Variants in IQGAP1 observed in about 807,000 individuals in gnomAD.
IQGAP1 encodes the protein ras GTPase-activating-like protein IQGAP1.
Under a neutral mutation model 215.6 loss-of-function variants are expected in IQGAP1, and 66 were observed. The observed-to-expected ratio is 0.31, with a 90% CI of 0.25 to 0.38. IQGAP1 has a LOEUF of 0.38. Among genes scored for constraint, IQGAP1 ranks in the 10% least tolerant of loss-of-function variants. IQGAP1 has a pLI of 1.00. For missense variants in IQGAP1, 1,712 were observed against 1,997.1 expected (o/e 0.86, Z 2.72); for synonymous variants, 772 against 728.7 (o/e 1.06, Z -0.96).
At chr15:90,487,472 A>G (rs1966142552) in intron 32 of IQGAP1, 23 bp from the exon 33 acceptor site, 3 of 1,568,266 alleles carry the variant, frequency 1.9e-6, no homozygotes, top group Non-Finnish European at 2.6e-6. Flanking sequence ...TAATATTTAA[A>G]TGCCTCCCCC....
At chr15:90,417,800 G>T (rs1433914739) in intron 2 of IQGAP1, among the ~76,000 whole-genome samples, 8 of 152,136 alleles carry the variant, frequency 5.3e-5, no homozygotes, top group Non-Finnish European at 1.5e-5. Flanking sequence ...AAATTACCTT[G>T]CTCAGTATGG....
In IQGAP1 at chr15:90,482,101, G is replaced by A. The variant is rs1966067091; in HGVS notation, c.3470+1G>A. 2 of 1,614,210 alleles carry A rather than the reference G, an allele frequency of 1.2e-6. No homozygotes were observed. Among genetic ancestry groups the A allele is most frequent in the South Asian group, 2.2e-5 (2 of 91,086 alleles). ...TTGTCAGCTCTGTGGACAAAATCCC[G>A]TGAGTGCCATCAGTTGTCATGACCC... On this transcript the variant is annotated splice_donor_variant, in intron 27 of 37. Transcript: ENST00000268182. LOFTEE classifies it high-confidence loss of function.
chr15:90,482,947 T>C (rs1966079864), intron 28 of IQGAP1, among the ~76,000 whole-genome samples: 1 of 152,204 alleles, frequency 6.6e-6, no homozygotes, highest in Non-Finnish European at 1.5e-5. Flanking sequence ...AATTTAGCTA[T>C]GTTTGTTAGC....
At chr15:90,430,985 ATAT>A (rs528268459) in intron 4 of IQGAP1, among the ~76,000 whole-genome samples, 2 of 148,044 alleles carry the variant, frequency 1.4e-5, no homozygotes, top group African/African-American at 4.9e-5. Context: ...TAATTTTACA[ATAT>A]TATATAATAT....
chr15:90,420,582 G>T (rs1174753307), intron 2 of IQGAP1, among the ~76,000 whole-genome samples: 12 of 152,232 alleles, frequency 7.9e-5, no homozygotes, highest in Admixed American at 7.9e-4. Flanking sequence ...AGTAGAACAT[G>T]TGAGGGGAGT....
At chr15:90,474,422 C>A in intron 22 of IQGAP1, 63 bp from the exon 23 acceptor site, 1 of 1,254,876 alleles carries the variant, frequency 8.0e-7, no homozygotes, top group Non-Finnish European at 1.2e-6. Context: ...CAAGACAATG[C>A]TATTTCCTGA....
At chr15:90,445,426 G>A (rs1304242317) in intron 9 of IQGAP1, among the ~76,000 whole-genome samples, 1 of 152,012 alleles carries the variant, frequency 6.6e-6, no homozygotes, top group African/African-American at 2.4e-5. Context: ...TCACTTCAGT[G>A]CCTGTCACAG....
chr15:90,430,928 AAT>A (rs1258562281), intron 4 of IQGAP1, among the ~76,000 whole-genome samples: 2 of 148,268 alleles, frequency 1.3e-5, no homozygotes, highest in Non-Finnish European at 3.0e-5. Context: ...TATATAGATA[AAT>A]ATATGACTTA....
chr15:90,461,867 C>T lies in IQGAP1; in HGVS notation c.1777-4134C>T, dbSNP rs566187782. Among the ~76,000 whole-genome samples the T allele has an allele frequency of 1.8e-4, 27 of 151,350 alleles. No homozygotes were observed. In the South Asian group the frequency reaches 4.6e-3, roughly 26 times the overall value. On this transcript the variant is annotated intron_variant, in intron 15 of 37. Coordinates refer to ENST00000268182, the MANE Select transcript of IQGAP1 (RefSeq NM_003870.4). ...AAGAATGACTTAAATCGGCTGGGTG[C>T]GGTGGCTTACACCTGTAATCTTTGT...
chr15:90,458,416 C>G (rs552848290), intron 15 of IQGAP1, among the ~76,000 whole-genome samples: 27 of 152,300 alleles, frequency 1.8e-4, no homozygotes, highest in African/African-American at 6.5e-4. Context: ...AATCTACTTC[C>G]CTTTTTAGAT....
chr15:90,443,551 T>G (rs1400134565), intron 9 of IQGAP1, 73 bp downstream of exon 9: 1 of 848,242 alleles, frequency 1.2e-6, no homozygotes, highest in Non-Finnish European at 1.9e-6. Flanking sequence ...ATTCTGGGAC[T>G]TACAACATAG....
At chr15:90,434,107 T>C (rs999131258) in intron 5 of IQGAP1, among the ~76,000 whole-genome samples, 2 of 152,068 alleles carry the variant, frequency 1.3e-5, no homozygotes, top group African/African-American at 4.8e-5. Context: ...GTTAGGTAGG[T>C]CCTTGCCATT....
chr15:90,417,779 A>G (rs1965074315), intron 2 of IQGAP1, among the ~76,000 whole-genome samples: 1 of 152,194 alleles, frequency 6.6e-6, no homozygotes, highest in South Asian at 2.1e-4. Context: ...TGGGGATGGC[A>G]TTAAATCTAT....
chr15:90,474,588 G>A lies in IQGAP1; in HGVS notation c.2679G>A (p.Arg893=). ...AGGAGCTTGACCTTATGAAGATGCG[G>A]GAAGAGGTTATCACCCTCATTCGTT... ...FQEELDLMKM[R]EEVITLIRSN... Residue 893 remains arginine (R), a synonymous_variant, in exon 23 of 38, where the codon CGG becomes CGA. Coordinates refer to ENST00000268182, the MANE Select transcript of IQGAP1 (RefSeq NM_003870.4). The A allele has an allele frequency of 1.2e-6, 2 of 1,614,022 alleles. No homozygotes were observed. Among genetic ancestry groups the A allele is most frequent in the Non-Finnish European group, 1.7e-6 (2 of 1,179,914 alleles).
chr15:90,467,645 T>C, intron 18 of IQGAP1, 53 bp downstream of exon 18: 3 of 1,537,148 alleles, frequency 2.0e-6, no homozygotes, highest in Non-Finnish European at 2.6e-6. Flanking sequence ...GTTTTCAAGC[T>C]ATAATATTAA....
intron 33 of IQGAP1, among the ~76,000 whole-genome samples, chr15:90,487,892 C>G (rs975669401): frequency 6.6e-6 from 1 of 152,140 alleles, no homozygotes; most frequent in Non-Finnish European, 1.5e-5. Context: ...CCGGCCAATA[C>G]CAAAATCCAT....
intron 30 of IQGAP1, 21 bp from the exon 31 acceptor site, chr15:90,486,009 G>T (rs762934889): frequency 6.3e-7 from 1 of 1,585,820 alleles, no homozygotes; most frequent in African/African-American, 1.3e-5. Context: ...TATAAATGGA[G>T]TTGATCATTG....
chr15:90,435,507 T>G (rs1965358856), intron 5 of IQGAP1, among the ~76,000 whole-genome samples: 1 of 152,164 alleles, frequency 6.6e-6, no homozygotes, highest in South Asian at 2.1e-4. Flanking sequence ...ACCAAATATG[T>G]GTGTCTGAGT....
At chr15:90,394,076 G>A (rs1048081480) in intron 2 of IQGAP1, among the ~76,000 whole-genome samples, 6 of 147,468 alleles carry the variant, frequency 4.1e-5, no homozygotes, top group African/African-American at 1.5e-4. Flanking sequence ...CAGAGCTTGC[G>A]GTAAGCTGAG....
Sources: gnomAD v4.1 joint callset for allele counts (sites outside exome capture counted in the v4.1 genomes callset) on GRCh38, gnomAD v4.1.1 for gene constraint, MANE v1.5 for transcripts, NCBI Gene and HGNC (gene_info 2026-07-23, HGNC 2026-07-21) for gene names.